CREB5: variants seen among roughly 807,000 people sequenced by gnomAD.
CREB5 encodes the protein cAMP responsive element binding protein 5, also known as cyclic AMP-responsive element-binding protein 5.
Under a neutral mutation model 57.1 loss-of-function variants are expected in CREB5, and 19 were observed. The observed-to-expected ratio is 0.33, with a 90% CI of 0.23 to 0.49. The LOEUF is 0.49. Among genes scored for constraint, CREB5 ranks in the 20% least tolerant of loss-of-function variants. CREB5 has a pLI of 0.99. For synonymous variants in CREB5, 238 were observed against 238.3 expected, an observed-to-expected ratio of 1.00 and a Z score of 0.01; for missense variants, 579 against 671.6, an observed-to-expected ratio of 0.86 and a Z score of 1.52.
At chr7:28,413,297 A>G (rs1224919918) in intron 1 of CREB5, among the ~76,000 whole-genome samples, 1 of 152,112 alleles carries the variant, frequency 6.6e-6, no homozygotes, top group Non-Finnish European at 1.5e-5. Context: ...TTGAAAAAGA[A>G]ACCTAAAAAT....
rs1786713524 is a variant in CREB5, at chr7:28,371,931, C to A, written c.-25+72490C>A. ...CAGGAAGACTTCACCCCAACCTGTA[C>A]CATTTGAATGGCCCAGGACTTAGAG... is the stretch of plus-strand genomic sequence containing the variant. On this transcript the variant is annotated intron_variant, in intron 1 of 9. Transcript: ENST00000396299. Among the ~76,000 whole-genome samples, 3 of 152,154 alleles carry A rather than the reference C, an allele frequency of 2.0e-5. No individual in the cohort carries two copies. The South Asian group carries it at 6.2e-4, about 32-fold the overall frequency.
intron 4 of CREB5, among the ~76,000 whole-genome samples, chr7:28,547,167 G>A (rs192241253): frequency 6.6e-6 from 1 of 152,358 alleles, no homozygotes; most frequent in East Asian, 1.9e-4. Flanking sequence ...GTATCGACCT[G>A]TGTGAGAATA....
chr7:28,792,141 C>T (rs1329351639), intron 7 of CREB5, among the ~76,000 whole-genome samples: 2 of 151,982 alleles, frequency 1.3e-5, no homozygotes, highest in Non-Finnish European at 2.9e-5. Flanking sequence ...TTCATCTTTA[C>T]TAAAAATACA....
Position 28,313,120 on chromosome 7 carries a change from G to A in CREB5, c.-25+13679G>A, listed in dbSNP as rs142295747. On this transcript the variant is annotated intron_variant, in intron 1 of 9. Coordinates refer to the CREB5 transcript ENST00000396299. ...GTTTCTGAATTAGTAGGTCTGGGACGGGTCTTGAGAAATTTCATTTCTAGT... is the reference window on the plus strand; with the variant it reads ...GTTTCTGAATTAGTAGGTCTGGGACAGGTCTTGAGAAATTTCATTTCTAGT... Among the ~76,000 whole-genome samples the A allele has an allele frequency of 3.9e-4, 60 of 152,272 alleles. 2 individuals carry two copies. The East Asian group carries it at 8.1e-3, about 21-fold the overall frequency.
chr7:28,756,230 C>T (rs1234686447), intron 7 of CREB5, among the ~76,000 whole-genome samples: 1 of 152,046 alleles, frequency 6.6e-6, no homozygotes, highest in Non-Finnish European at 1.5e-5. Flanking sequence ...AAATGAAGGG[C>T]TTGCCATCTC....
rs147279873 is a variant in CREB5, at chr7:28,735,633, G to A, written c.702+11301G>A. Among the ~76,000 whole-genome samples the A allele has an allele frequency of 2.3e-4, 35 of 152,280 alleles. No homozygotes were observed. In the East Asian group the frequency reaches 6.6e-3, roughly 29 times the overall value. On this transcript the variant is annotated intron_variant, in intron 7 of 10. Coordinates refer to ENST00000357727, the MANE Select transcript of CREB5 (RefSeq NM_182898.4). ...GAGTGAGTCCTCTGTTAACCAGGTTGTAACCTCCTTACTAGTGTCTAGGCT... is the reference window on the plus strand; with the variant it reads ...GAGTGAGTCCTCTGTTAACCAGGTTATAACCTCCTTACTAGTGTCTAGGCT...
chr7:28,361,324 T>C (rs1387266595), intron 1 of CREB5, among the ~76,000 whole-genome samples: 1 of 152,170 alleles, frequency 6.6e-6, no homozygotes, highest in East Asian at 1.9e-4. Flanking sequence ...CCCTTCCTAA[T>C]TTTACATGAG....
At chr7:28,407,365 TA>T (rs1166829382) in intron 1 of CREB5, among the ~76,000 whole-genome samples, 1 of 152,194 alleles carries the variant, frequency 6.6e-6, no homozygotes, top group Non-Finnish European at 1.5e-5. Context: ...GCACAATTCT[TA>T]ACTCAAGTAA....
chr7:28,499,041 CAGCAG>C (rs1792169442), intron 3 of CREB5, among the ~76,000 whole-genome samples: 1 of 152,046 alleles, frequency 6.6e-6, no homozygotes, highest in Non-Finnish European at 1.5e-5. Context: ...GATCAAATTT[CAGCAG>C]AGCGGTAAAG....
chr7:28,801,124 G>T (rs561205881), intron 7 of CREB5, among the ~76,000 whole-genome samples: 1 of 152,202 alleles, frequency 6.6e-6, no homozygotes, highest in East Asian at 1.9e-4. Context: ...ATTGCTAAAG[G>T]GACAAAAAGC....
chr7:28,807,430 CAGAG>C (rs1045070176), intron 8 of CREB5, among the ~76,000 whole-genome samples: 4 of 152,150 alleles, frequency 2.6e-5, no homozygotes, highest in African/African-American at 9.7e-5. Context: ...GGCTGGGCGA[CAGAG>C]AGAGACTCCG....
At chr7:28,596,394 C>T (rs1409273981) in intron 5 of CREB5, among the ~76,000 whole-genome samples, 1 of 148,610 alleles carries the variant, frequency 6.7e-6, no homozygotes. Flanking sequence ...TATATTAGAA[C>T]AAAAGTATGA....
intron 1 of CREB5, among the ~76,000 whole-genome samples, chr7:28,404,037 C>A (rs551660340): frequency 6.6e-6 from 1 of 152,104 alleles, no homozygotes; most frequent in South Asian, 2.1e-4. Flanking sequence ...TGTCATGGCC[C>A]GTACATACAT....
At chr7:28,535,846 G>C (rs1793946364) in intron 4 of CREB5, among the ~76,000 whole-genome samples, 1 of 152,068 alleles carries the variant, frequency 6.6e-6, no homozygotes, top group African/African-American at 2.4e-5. Flanking sequence ...TGGTTGGGCT[G>C]TGCTAACTTC....
At chr7:28,572,797 C>T (rs1202090889) in intron 5 of CREB5, among the ~76,000 whole-genome samples, 1 of 152,188 alleles carries the variant, frequency 6.6e-6, no homozygotes, top group Non-Finnish European at 1.5e-5. Flanking sequence ...TAGGCTGTGT[C>T]ACCATGCCTG....
intron 7 of CREB5, among the ~76,000 whole-genome samples, chr7:28,734,320 G>C (rs1334039725): frequency 1.3e-5 from 2 of 149,732 alleles, no homozygotes; most frequent in Admixed American, 6.7e-5. Context: ...TCAATACATA[G>C]AGGCAAAGGA....
rs1434324324 is a variant in CREB5, at chr7:28,560,853, T to TGC, written c.292-9511_292-9510insCG. ...GCGCGCGTGTGTGTGTGCGCGTGTG[T>TGC]GTGTGCGTGTGCCTGCGTGCGCGTG... is the stretch of plus-strand genomic sequence containing the variant. On this transcript the variant is annotated intron_variant, in intron 4 of 10. Coordinates refer to ENST00000357727, the MANE Select transcript of CREB5 (RefSeq NM_182898.4). 9.6e-3 allele frequency among the ~76,000 whole-genome samples: 633 copies of TGC among 65,740 alleles called. 55 individuals carry two copies. Among genetic ancestry groups the TGC allele is most frequent in the African/African-American group, 0.031 (555 of 17,962 alleles). 43.1% of individuals were successfully genotyped at this position (65,740 alleles called of 152,430 possible).
chr7:28,618,132 C>CTA (rs1797662017), intron 5 of CREB5, among the ~76,000 whole-genome samples: 4 of 152,174 alleles, frequency 2.6e-5, no homozygotes, highest in Non-Finnish European at 5.9e-5. Context: ...TTGGATAGAA[C>CTA]TTCAGCTAGG....
intron 4 of CREB5, among the ~76,000 whole-genome samples, chr7:28,569,888 GGTA>G (rs1265607430): frequency 6.6e-6 from 1 of 150,954 alleles, no homozygotes; most frequent in Non-Finnish European, 1.5e-5. Context: ...GATTTGGAAA[GGTA>G]GTCGTTTTCT....
Sources: allele counts gnomAD v4.1 joint callset (sites outside exome capture counted in the v4.1 genomes callset), GRCh38; gene constraint gnomAD v4.1.1; transcripts MANE v1.5; gene names NCBI Gene and HGNC (gene_info 2026-07-23, HGNC 2026-07-21).